The following CELF2 variants were observed in gnomAD, a reference collection of about 807,000 sequenced individuals.
CELF2 encodes the protein CUGBP Elav-like family member 2, also known as CUG triplet repeat RNA-binding protein 2.
A neutral mutation model predicts 62.6 loss-of-function variants in CELF2; 8 were observed. The observed-to-expected ratio is 0.13, with a 90% CI of 0.07 to 0.23. The LOEUF is 0.23. CELF2 is among the 10% of genes least tolerant of loss of function. The probability of loss-of-function intolerance (pLI) is 1.00; values close to 1 mark genes in which losing one functional copy is unlikely to be tolerated. For synonymous variants in CELF2, 258 were observed against 250.0 expected, an observed-to-expected ratio of 1.03 and a Z score of -0.30; for missense variants, 333 against 671.0, an observed-to-expected ratio of 0.50 and a Z score of 5.56.
chr10:10,705,868 C>T, the CELF2 span, among the ~76,000 whole-genome samples: 1 of 152,198 alleles, frequency 6.6e-6, no homozygotes, highest in South Asian at 2.1e-4. Flanking sequence ...AGTGTAATCA[C>T]TCCTTGTGTT....
At chr10:10,614,199 C>T in the CELF2 span, among the ~76,000 whole-genome samples, 2 of 151,992 alleles carry the variant, frequency 1.3e-5, no homozygotes, top group African/African-American at 2.4e-5. Context: ...ATTAGGTTGA[C>T]CAGATGTCTC....
the CELF2 span, among the ~76,000 whole-genome samples, chr10:10,724,570 C>G: frequency 1.3e-5 from 2 of 150,074 alleles, no homozygotes; most frequent in Non-Finnish European, 3.0e-5. Flanking sequence ...ACAGGAGAAC[C>G]GCTTGAAGCC....
At chr10:10,912,535 A>G (rs1281808325) in intron 1 of CELF2, among the ~76,000 whole-genome samples, 2 of 152,144 alleles carry the variant, frequency 1.3e-5, no homozygotes, top group East Asian at 1.9e-4. Flanking sequence ...ATGTCCAGCT[A>G]ATTTTTCTAT....
chr10:10,559,790 T>C, the CELF2 span, among the ~76,000 whole-genome samples: 1 of 152,212 alleles, frequency 6.6e-6, no homozygotes, highest in South Asian at 2.1e-4. Flanking sequence ...CACGCACATG[T>C]GGACTGCTGT....
At chr10:11,307,878 C>A (rs1388112406) in intron 9 of CELF2, among the ~76,000 whole-genome samples, 1 of 152,192 alleles carries the variant, frequency 6.6e-6, no homozygotes, top group East Asian at 1.9e-4. Flanking sequence ...CATGATCCTT[C>A]CCCTGCTCAC....
At chr10:10,600,128 TGA>T in the CELF2 span, among the ~76,000 whole-genome samples, 18 of 152,222 alleles carry the variant, frequency 1.2e-4, no homozygotes, top group African/African-American at 4.3e-4. Context: ...TGGGAGCTAA[TGA>T]ACACTTACAA....
In CELF2 at chr10:11,243,190, T is replaced by C. The variant is rs532262551; in HGVS notation, c.355-5963T>C. On this transcript the variant is annotated intron_variant, in intron 3 of 12. Transcript: ENST00000633077. The surrounding 1 kb of genome is among the most constrained non-coding windows in gnomAD (Gnocchi z 4.1). ...CAACAGAGCTTCAGCAGATGCCTTC[T>C]TGGGACCGCGCTTGACTCTAGTTCC... 2.0e-5 allele frequency among the ~76,000 whole-genome samples: 3 copies of C among 152,170 alleles called. No individual in the cohort carries two copies. The highest frequency in any genetic ancestry group is 7.2e-5 in the African/African-American group (3 of 41,506).
At chr10:11,256,069 C>G (rs2078650443) in intron 4 of CELF2, among the ~76,000 whole-genome samples, 1 of 152,346 alleles carries the variant, frequency 6.6e-6, no homozygotes, top group East Asian at 1.9e-4. Flanking sequence ...TCCCTTAGGT[C>G]TCTTCCTTCC....
intron 1 of CELF2, among the ~76,000 whole-genome samples, chr10:11,118,846 C>A (rs1028995276): frequency 2.0e-5 from 3 of 152,126 alleles, no homozygotes; most frequent in African/African-American, 7.2e-5. Flanking sequence ...GGTCAGCAAC[C>A]CCCAGTTCTA....
intron 1 of CELF2, among the ~76,000 whole-genome samples, chr10:11,049,395 G>A (rs551707313): frequency 9.9e-5 from 15 of 151,986 alleles, no homozygotes; most frequent in African/African-American, 3.6e-4. Flanking sequence ...CAACAGGATT[G>A]TGCTAGTTTA....
At chr10:11,256,545 CTT>C (rs1285852509) in intron 4 of CELF2, among the ~76,000 whole-genome samples, 2 of 147,978 alleles carry the variant, frequency 1.4e-5, no homozygotes, top group African/African-American at 5.0e-5. Flanking sequence ...CCAGGACACT[CTT>C]CAGTCTGGCT....
chr10:10,589,564 G>C, the CELF2 span, among the ~76,000 whole-genome samples: 14 of 152,274 alleles, frequency 9.2e-5, no homozygotes, highest in African/African-American at 3.4e-4. Flanking sequence ...GAGCTAGGTA[G>C]CTGTGGCTGG....
intron 1 of CELF2, among the ~76,000 whole-genome samples, chr10:10,894,314 G>A (rs185427195): frequency 7.2e-5 from 11 of 152,294 alleles, no homozygotes; most frequent in Admixed American, 3.9e-4. Context: ...CATGTTACTC[G>A]ATTTCCGATG....
At chr10:10,514,259 G>A in the CELF2 span, among the ~76,000 whole-genome samples, 34 of 152,278 alleles carry the variant, frequency 2.2e-4, 1 homozygote, top group East Asian at 6.4e-3. Context: ...AGAGACAATT[G>A]GCTATAGAAA....
At chr10:10,469,364 T>A in the CELF2 span, among the ~76,000 whole-genome samples, 1 of 151,930 alleles carries the variant, frequency 6.6e-6, no homozygotes, top group Admixed American at 6.6e-5. Flanking sequence ...ATAATGAAAG[T>A]GAACATCCTT....
intron 2 of CELF2, among the ~76,000 whole-genome samples, chr10:10,996,150 C>T (rs566610663): frequency 6.6e-6 from 1 of 152,258 alleles, no homozygotes; most frequent in East Asian, 1.9e-4. Context: ...AAGATATCTT[C>T]AAAATCAACT....
At position 11,211,014 on chromosome 10, in the gene CELF2, C is replaced by T. The variant is rs1212981485; in HGVS notation, c.272-6411C>T. On this transcript the variant is annotated intron_variant, in intron 2 of 12. Transcript: ENST00000633077. This position sits in a 1 kb window ranked among gnomAD's most constrained non-coding sequence, Gnocchi z 4.8. ...ACTGCGTCAGCCATGCTCAGTGGCT[C>T]ATGCCTGTAATCGTAGCACTTTGGG... Among the ~76,000 whole-genome samples the T allele has an allele frequency of 6.6e-6, 1 of 152,260 alleles. No individual in the cohort carries two copies. The highest frequency in any genetic ancestry group is 2.4e-5 in the African/African-American group (1 of 41,464).
chr10:10,851,915 A>G (rs576968545), intron 1 of CELF2, among the ~76,000 whole-genome samples: 3 of 152,338 alleles, frequency 2.0e-5, no homozygotes, highest in South Asian at 2.1e-4. Context: ...CTGCACACCT[A>G]TTACAATGGC....
intron 2 of CELF2, among the ~76,000 whole-genome samples, chr10:10,971,286 C>T (rs556407892): frequency 1.3e-5 from 2 of 152,254 alleles, no homozygotes; most frequent in African/African-American, 4.8e-5. Context: ...ACAAGCACAC[C>T]CCATATTCTG....
Sources: gnomAD v4.1 joint callset for allele counts (sites outside exome capture counted in the v4.1 genomes callset) on GRCh38, gnomAD v4.1.1 for gene constraint, Gnocchi (gnomAD v3.1) non-coding constraint, MANE v1.5 for transcripts, NCBI Gene and HGNC (gene_info 2026-07-23, HGNC 2026-07-21) for gene names.